NR3C1: variants seen among roughly 807,000 people sequenced by gnomAD.
The protein encoded by NR3C1 is glucocorticoid receptor.
NR3C1 carries 14 observed loss-of-function variants against 74.0 expected under a neutral mutation model. The ratio of observed to expected loss-of-function variants is 0.19; its 90% CI spans 0.12 to 0.30. The LOEUF (loss-of-function observed/expected upper bound fraction) is 0.30, where lower values mean the gene tolerates loss of function less well. Ranked by LOEUF, NR3C1 falls within the 10% of genes least tolerant of loss-of-function variation. The pLI is 1.00. For missense variants in NR3C1, 695 were observed against 909.8 expected, an observed-to-expected ratio of 0.76 and a Z score of 3.04; for synonymous variants, 308 against 332.5, an observed-to-expected ratio of 0.93 and a Z score of 0.80.
chr5:143,430,612 G>A (rs773458176), intron 1 of NR3C1, among the ~76,000 whole-genome samples: 17 of 152,144 alleles, frequency 1.1e-4, no homozygotes, highest in Non-Finnish European at 1.5e-4. Flanking sequence ...AAAGAGTCTC[G>A]GAAGAGCTCT....
chr5:143,407,020 G>A (rs1267849532), upstream of NR3C1: 2 of 152,154 alleles, frequency 1.3e-5, no homozygotes, highest in East Asian at 3.8e-4. Flanking sequence ...TTACTAATCT[G>A]TAACCCTGGG....
intron 2 of NR3C1, among the ~76,000 whole-genome samples, chr5:143,353,483 T>G (rs1176427753): frequency 6.6e-6 from 1 of 152,176 alleles, no homozygotes; most frequent in African/African-American, 2.4e-5. Flanking sequence ...TGTACTGATT[T>G]GAAACTTGAA....
chr5:143,354,862 G>A (rs985161330), intron 2 of NR3C1, among the ~76,000 whole-genome samples: 1 of 150,746 alleles, frequency 6.6e-6, no homozygotes, highest in Non-Finnish European at 1.5e-5. Context: ...GGCAGAGGTT[G>A]CTGTGAGCCA....
rs117183904 is a variant in NR3C1 at position 143,325,297 on chromosome 5, A to C, written c.1185-11129T>G. ...TGGTGGTGGCAAAAGAAAAATGAGG[A>C]AGAGGCAAAAGGGGAAACCCCTGAT... On this transcript the variant is annotated intron_variant, in intron 2 of 8. Transcript: ENST00000394464. 1.0e-3 allele frequency among the ~76,000 whole-genome samples: 155 copies of C among 152,332 alleles called. 3 individuals are homozygous for C. The East Asian group carries it at 0.022, about 22-fold the overall frequency.
intron 2 of NR3C1, among the ~76,000 whole-genome samples, chr5:143,358,059 G>A (rs957573419): frequency 2.6e-5 from 4 of 152,212 alleles, no homozygotes; most frequent in African/African-American, 9.7e-5. Context: ...TGCCTTGATC[G>A]TTAAGTTATT....
At chr5:143,399,467 A>T (rs955586898) in intron 2 of NR3C1, among the ~76,000 whole-genome samples, 189 bp downstream of exon 2, 3 of 152,154 alleles carry the variant, frequency 2.0e-5, no homozygotes, top group African/African-American at 7.2e-5. Flanking sequence ...TAAGGAAAAA[A>T]CCTGAAATGG....
At chr5:143,339,856 AAAG>A (rs1168246170) in intron 2 of NR3C1, among the ~76,000 whole-genome samples, 2 of 152,220 alleles carry the variant, frequency 1.3e-5, no homozygotes, top group South Asian at 2.1e-4. Context: ...ACACAGAGAA[AAAG>A]AAGAATGAAG....
intron 2 of NR3C1, among the ~76,000 whole-genome samples, chr5:143,366,705 A>G (rs1833271671): frequency 6.6e-6 from 1 of 152,224 alleles, no homozygotes; most frequent in East Asian, 1.9e-4. Context: ...AACCAATTAG[A>G]TAACTACATG....
intron 6 of NR3C1, among the ~76,000 whole-genome samples, chr5:143,296,628 T>C (rs901001665): frequency 1.3e-5 from 2 of 151,240 alleles, no homozygotes; most frequent in East Asian, 2.0e-4. Context: ...ACAACAACAA[T>C]TTTTTTTTCC....
chr5:143,281,901 A>G lies in NR3C1; in HGVS notation c.2322T>C (p.Phe774=), dbSNP rs763023639. The change falls in exon 9 of 9, where the codon TTT becomes TTC. Residue 774 remains phenylalanine, a synonymous_variant. Coordinates refer to ENST00000394464, the MANE Select transcript of NR3C1 (RefSeq NM_000176.3). ...CTTATTAAGGCAGTCACTTTTGATG[A>G]AACAGAAGTTTTTTGATATTTCCAT... ...YSNGNIKKLL[F]HQK The G allele has an allele frequency of 7.4e-6, 12 of 1,613,310 alleles. No homozygotes were observed. The South Asian group carries it at 1.2e-4, about 16-fold the overall frequency.
intron 2 of NR3C1, among the ~76,000 whole-genome samples, chr5:143,380,563 T>C (rs1352275145): frequency 6.6e-6 from 1 of 151,880 alleles, no homozygotes; most frequent in Non-Finnish European, 1.5e-5. Context: ...CTTGCTCTTC[T>C]TCAGACAGTT....
intron 1 of NR3C1, among the ~76,000 whole-genome samples, chr5:143,420,007 A>G (rs947159547): frequency 4.6e-5 from 7 of 152,152 alleles, no homozygotes; most frequent in African/African-American, 1.4e-4. Context: ...TTGCTGAGAA[A>G]AAGAATTCAG....
At chr5:143,332,774 C>T (rs555209640) in intron 2 of NR3C1, 41 of 1,583,034 alleles carry the variant, frequency 2.6e-5, no homozygotes, top group Non-Finnish European at 3.5e-5. Context: ...TTGTTGTACG[C>T]ATCGAAAGGA....
chr5:143,360,682 C>T (rs1398437497), intron 2 of NR3C1, among the ~76,000 whole-genome samples: 1 of 152,168 alleles, frequency 6.6e-6, no homozygotes, highest in African/African-American at 2.4e-5. Context: ...ACAAATAGTA[C>T]TAGGCTTTGT....
In NR3C1 at chr5:143,366,477, T is replaced by C. The variant is rs186252293; in HGVS notation, c.1184+33179A>G. ...ATGAGCCGAGATTGCACCACTGCACTCTAGACTGGGTGACAAGATGGAAAT... is the reference window on the plus strand; with the variant it reads ...ATGAGCCGAGATTGCACCACTGCACCCTAGACTGGGTGACAAGATGGAAAT... On this transcript the variant is annotated intron_variant, in intron 2 of 8. Coordinates refer to ENST00000394464, the MANE Select transcript of NR3C1 (RefSeq NM_000176.3). Among the ~76,000 whole-genome samples the C allele has an allele frequency of 6.5e-3, 975 of 149,358 alleles. 5 individuals carry two copies. Among genetic ancestry groups the C allele is most frequent in the Admixed American group, 9.6e-3 (143 of 14,926 alleles).
chr5:143,360,997 T>C (rs1053809987), intron 2 of NR3C1, among the ~76,000 whole-genome samples: 2 of 152,184 alleles, frequency 1.3e-5, no homozygotes, highest in African/African-American at 2.4e-5. Context: ...AGCTATCCTA[T>C]AGAAGAACAG....
chr5:143,343,302 C>T (rs533066529), intron 2 of NR3C1, among the ~76,000 whole-genome samples: 1 of 152,256 alleles, frequency 6.6e-6, no homozygotes, highest in Admixed American at 6.5e-5. Flanking sequence ...GGTTTCGGCT[C>T]CCTCTTTGGT....
intron 2 of NR3C1, among the ~76,000 whole-genome samples, chr5:143,323,607 A>G (rs2151662180): frequency 6.6e-6 from 1 of 152,266 alleles, no homozygotes; most frequent in East Asian, 1.9e-4. Flanking sequence ...TCACATTTCA[A>G]AACCAATCAT....
intron 5 of NR3C1, among the ~76,000 whole-genome samples, chr5:143,299,296 G>A: frequency 6.6e-6 from 1 of 150,612 alleles, no homozygotes; most frequent in East Asian, 1.9e-4. Flanking sequence ...TTACAGGCGT[G>A]AGCCATCGCA....
Sources: allele counts gnomAD v4.1 joint callset (sites outside exome capture counted in the v4.1 genomes callset), GRCh38; gene constraint gnomAD v4.1.1; transcripts MANE v1.5; gene names NCBI Gene and HGNC (gene_info 2026-07-23, HGNC 2026-07-21).